UTRN: variants seen among roughly 807,000 people sequenced by gnomAD.
UTRN encodes dystrophin-related protein 1.
UTRN carries 283 observed loss-of-function variants against 463.9 expected under a neutral mutation model. That is an observed-to-expected ratio of 0.61 (90% CI 0.55 to 0.67). The LOEUF is 0.67. Among genes scored for constraint, UTRN ranks in the 30% least tolerant of loss-of-function variants. UTRN has a pLI of 0.00. For missense variants in UTRN, 3,922 were observed against 4,084.3 expected (o/e 0.96, Z 1.08); for synonymous variants, 1,442 against 1,431.5 (o/e 1.01, Z -0.17).
At position 144,758,062 on chromosome 6, in the gene UTRN, C is replaced by T. The variant is rs1792211287; in HGVS notation, c.8495+73C>T. 3.1e-6 allele frequency: 4 copies of T among 1,294,824 alleles called. No individual in the cohort carries two copies. In the South Asian group the frequency reaches 5.4e-5, roughly 17 times the overall value. 80.2% of individuals were successfully genotyped at this position (1,294,824 alleles called of 1,614,324 possible). On this transcript the variant is annotated intron_variant, in intron 58 of 74. Coordinates refer to ENST00000367545, the MANE Select transcript of UTRN (RefSeq NM_007124.3). ...TATTGATAACTTAAGAGGCTTCTCTCCCCATAACTTTTAAAAATAGAATTC... is the reference window on the plus strand; with the variant it reads ...TATTGATAACTTAAGAGGCTTCTCTTCCCATAACTTTTAAAAATAGAATTC...
intron 48 of UTRN, among the ~76,000 whole-genome samples, chr6:144,554,274 T>G (rs1464863707): frequency 2.0e-5 from 3 of 152,248 alleles, no homozygotes; most frequent in East Asian, 1.9e-4. Context: ...AATTCTCCTT[T>G]GAGGGTAACA....
In UTRN at chr6:144,493,497, CTCTCTCTCTCTCAA is replaced by C. The variant is rs936105443; in HGVS notation, c.4593+54_4593+67del. 3.9e-6 allele frequency: 6 copies of C among 1,554,616 alleles called. No individual in the cohort carries two copies. The African/African-American group carries it at 5.0e-5, about 13-fold the overall frequency. ...CCACAGCTCATCTCTCTGTCTCTCT[CTCTCTCTCTCTCAA>C]TCTCTCTCTCTCTCTCGTTCTCTCT... On this transcript the variant is annotated intron_variant, in intron 33 of 74. Transcript: ENST00000367545.
rs544006598 is a variant in UTRN, at chr6:144,447,463, G to A, written c.1723-139G>A. 2.1e-5 allele frequency: 26 copies of A among 1,267,450 alleles called. No individual in the cohort carries two copies. In the South Asian group the frequency reaches 2.7e-4, roughly 13 times the overall value. The allele number at this position is 1,267,450 out of a possible 1,614,324, so 78.5% of individuals were successfully genotyped here. Reference sequence around the variant, plus strand: ...CTGCCCTGTAACAATCTGGAACCACGAGTCTTACCTTTTAGCATAGTGAAC... The same window carrying A: ...CTGCCCTGTAACAATCTGGAACCACAAGTCTTACCTTTTAGCATAGTGAAC... On this transcript the variant is annotated intron_variant, in intron 15 of 74. Coordinates refer to ENST00000367545, the MANE Select transcript of UTRN (RefSeq NM_007124.3).
rs1243250754 is a variant in UTRN at position 144,839,205 on chromosome 6, C to A, written c.10098C>A (p.Ser3366=). ...CTGATTCCCGAATCAATGGTGTTTC[C>A]CCATGGGCTTCTCCTCAGCATTCTG... ...PESDSRINGV[S]PWASPQHSAL... is the part of the protein sequence containing the mutation. The change falls in exon 72 of 75, where the codon TCC becomes TCA. Residue 3366 remains serine (S), a synonymous_variant. Transcript: ENST00000367545. 1 of 1,614,012 alleles carries A rather than the reference C, an allele frequency of 6.2e-7. No homozygotes were observed. The highest frequency in any genetic ancestry group is 8.5e-7 in the Non-Finnish European group (1 of 1,179,942).
chr6:144,315,525 T>A (rs893556456), intron 2 of UTRN, among the ~76,000 whole-genome samples: 1 of 152,224 alleles, frequency 6.6e-6, no homozygotes, highest in Non-Finnish European at 1.5e-5. Context: ...TGTTCTCACC[T>A]AGAAATTGCC....
chr6:144,708,341 C>T, intron 53 of UTRN: 1 of 666,596 alleles, frequency 1.5e-6, no homozygotes, highest in South Asian at 1.4e-5. Flanking sequence ...ATTTTCCAGT[C>T]CCAAAACTGA....
At chr6:144,607,663 G>A (rs942509640) in intron 51 of UTRN, among the ~76,000 whole-genome samples, 2 of 152,122 alleles carry the variant, frequency 1.3e-5, no homozygotes, top group African/African-American at 4.8e-5. Flanking sequence ...AGTACACTTA[G>A]AGATGGACAC....
At chr6:144,720,543 A>C (rs1157958819) in intron 53 of UTRN, among the ~76,000 whole-genome samples, 1 of 152,214 alleles carries the variant, frequency 6.6e-6, no homozygotes, top group Non-Finnish European at 1.5e-5. Context: ...TGTGATTTTT[A>C]GTAGCTACAT....
chr6:144,770,617 C>T (rs1475984786), intron 58 of UTRN, among the ~76,000 whole-genome samples: 3 of 151,794 alleles, frequency 2.0e-5, no homozygotes, highest in Admixed American at 6.6e-5. Flanking sequence ...AACTGTTTAC[C>T]TAAGAAACTT....
chr6:144,694,465 T>G (rs1253266267), intron 52 of UTRN, among the ~76,000 whole-genome samples: 1 of 152,124 alleles, frequency 6.6e-6, no homozygotes, highest in African/African-American at 2.4e-5. Flanking sequence ...TTAGGAATGG[T>G]ATCAACTCTT....
chr6:144,388,111 A>G (rs1342942628), intron 2 of UTRN, among the ~76,000 whole-genome samples: 3 of 152,252 alleles, frequency 2.0e-5, no homozygotes, highest in Non-Finnish European at 2.9e-5. Flanking sequence ...ATAATAGAAT[A>G]TAAGAGTCAC....
chr6:144,758,055 C>A, intron 58 of UTRN, 66 bp downstream of exon 58: 1 of 1,386,854 alleles, frequency 7.2e-7, no homozygotes, highest in Admixed American at 1.9e-5. Flanking sequence ...ACTTAAGAGG[C>A]TTCTCTCCCC....
At chr6:144,606,867 A>C (rs1276207655) in intron 51 of UTRN, among the ~76,000 whole-genome samples, 1 of 152,188 alleles carries the variant, frequency 6.6e-6, no homozygotes, top group Non-Finnish European at 1.5e-5. Flanking sequence ...TTTACAGGTG[A>C]CCTGCAATTC....
intron 66 of UTRN, among the ~76,000 whole-genome samples, chr6:144,824,786 C>T (rs1780029558): frequency 2.1e-5 from 3 of 143,944 alleles, no homozygotes; most frequent in African/African-American, 5.2e-5. Flanking sequence ...GGGGGGGTGT[C>T]CCCCCAGCGT....
At chr6:144,713,537 C>A (rs1785985982) in intron 53 of UTRN, among the ~76,000 whole-genome samples, 1 of 151,394 alleles carries the variant, frequency 6.6e-6, no homozygotes, top group Non-Finnish European at 1.5e-5. Context: ...TCGCTTGAAC[C>A]TGGGAGGTGG....
chr6:144,785,281 C>G (rs1265456685), intron 61 of UTRN, among the ~76,000 whole-genome samples: 1 of 152,116 alleles, frequency 6.6e-6, no homozygotes, highest in Non-Finnish European at 1.5e-5. Context: ...GTGATACAGC[C>G]AGAACTGGTG....
intron 42 of UTRN, 100 bp downstream of exon 42, chr6:144,531,302 G>A: frequency 8.5e-7 from 1 of 1,175,936 alleles, no homozygotes; most frequent in African/African-American, 1.5e-5. Flanking sequence ...TAATTTTTCA[G>A]AAGTCAATGG....
At chr6:144,433,319 A>T (rs6900943) in intron 9 of UTRN, among the ~76,000 whole-genome samples, 3 of 144,088 alleles carry the variant, frequency 2.1e-5, no homozygotes, top group East Asian at 4.3e-4. Context: ...GGGGGGCTGA[A>T]CCCCCCACCT....
chr6:144,525,248 TC>T (rs1330733115), intron 41 of UTRN, among the ~76,000 whole-genome samples: 1 of 152,184 alleles, frequency 6.6e-6, no homozygotes, highest in Non-Finnish European at 1.5e-5. Context: ...TTGGATAGTG[TC>T]AGTAGGATTG....
Sources: allele counts gnomAD v4.1 joint callset (sites outside exome capture counted in the v4.1 genomes callset), GRCh38; gene constraint gnomAD v4.1.1; transcripts MANE v1.5; gene names NCBI Gene and HGNC (gene_info 2026-07-23, HGNC 2026-07-21).